The following REV3L variants were observed in gnomAD, a reference collection of about 807,000 sequenced individuals.
REV3L encodes the protein REV3 like, DNA directed polymerase zeta catalytic subunit.
REV3L carries 69 observed loss-of-function variants against 299.4 expected under a neutral mutation model. That is an observed-to-expected ratio of 0.23 (90% CI 0.19 to 0.28). REV3L has a LOEUF of 0.28. Among genes scored for constraint, REV3L ranks in the 10% least tolerant of loss-of-function variants. The pLI is 1.00. For synonymous variants in REV3L, 1,238 were observed against 1,271.4 expected, an observed-to-expected ratio of 0.97 and a Z score of 0.56; for missense variants, 3,128 against 3,693.8, an observed-to-expected ratio of 0.85 and a Z score of 3.97.
chr6:111,314,581 G>A (rs1404392357), intron 27 of REV3L, among the ~76,000 whole-genome samples: 1 of 152,144 alleles, frequency 6.6e-6, no homozygotes, highest in Non-Finnish European at 1.5e-5. Context: ...CTTAGCTGCT[G>A]GTTGGGTTAC....
intron 15 of REV3L, 52 bp downstream of exon 15, chr6:111,365,213 A>C: frequency 8.7e-7 from 1 of 1,147,592 alleles, no homozygotes; most frequent in Non-Finnish European, 1.2e-6. Context: ...ACTGAAATCT[A>C]GGAAAAAGAC....
In REV3L at chr6:111,370,529, G is replaced by A. The variant is rs532786332; in HGVS notation, c.5759+2067C>T. Among the ~76,000 whole-genome samples, 5 of 152,062 alleles carry A rather than the reference G, an allele frequency of 3.3e-5. 1 individual carries two copies. In the South Asian group the frequency reaches 1.0e-3, roughly 32 times the overall value. On this transcript the variant is annotated intron_variant, in intron 13 of 31. Coordinates refer to ENST00000368802, the MANE Select transcript of REV3L (RefSeq NM_001372078.1). ...AATAAATTTTATTGTGTATATTTAA[G>A]GTATAAAATATGATATTAGTATATA...
In REV3L at chr6:111,468,112, A is replaced by G. The variant is rs1388978011; in HGVS notation, c.139+14638T>C. Among the ~76,000 whole-genome samples the G allele has an allele frequency of 4.6e-5, 7 of 152,316 alleles. No individual in the cohort carries two copies. In the East Asian group the frequency reaches 9.6e-4, roughly 21 times the overall value. On this transcript the variant is annotated intron_variant, in intron 1 of 31. Coordinates refer to ENST00000368802, the MANE Select transcript of REV3L (RefSeq NM_001372078.1). ...GTCATAATAAAACCAAACCTAGAAG[A>G]GGAAAAAATAAATCAAAGACAGGAT... is the stretch of plus-strand genomic sequence containing the variant.
intron 24 of REV3L, chr6:111,330,313 C>A: frequency 2.2e-6 from 1 of 454,220 alleles, no homozygotes; most frequent in South Asian, 1.6e-5. Flanking sequence ...TATTAGCAAT[C>A]TGGAAGAGGG....
intron 1 of REV3L, among the ~76,000 whole-genome samples, chr6:111,458,361 G>A (rs1790384814): frequency 6.6e-6 from 1 of 152,080 alleles, no homozygotes; most frequent in Non-Finnish European, 1.5e-5. Flanking sequence ...CATTCTCCTT[G>A]AGAAATGGAA....
intron 2 of REV3L, among the ~76,000 whole-genome samples, chr6:111,414,923 G>A (rs1784597885): frequency 6.6e-6 from 1 of 151,938 alleles, no homozygotes; most frequent in Non-Finnish European, 1.5e-5. Context: ...TAATTCCTTG[G>A]TCTTTTCTAC....
At chr6:111,412,289 G>T (rs552551304) in intron 2 of REV3L, 6 of 985,010 alleles carry the variant, frequency 6.1e-6, no homozygotes, top group Non-Finnish European at 7.2e-6. Flanking sequence ...TTTTCTCGGG[G>T]TATCAGCTGG....
chr6:111,412,631 C>T (rs1784365250), intron 2 of REV3L, among the ~76,000 whole-genome samples: 1 of 152,050 alleles, frequency 6.6e-6, no homozygotes, highest in African/African-American at 2.4e-5. Context: ...TCTCATAGGA[C>T]ATCACCTCTC....
chr6:111,464,076 T>C (rs1344158323), intron 1 of REV3L, among the ~76,000 whole-genome samples: 10 of 151,896 alleles, frequency 6.6e-5, no homozygotes, highest in South Asian at 4.1e-4. Context: ...GAGGCTTGCA[T>C]GCAATGTTCT....
chr6:111,480,702 T>C (rs1243944010), intron 1 of REV3L, among the ~76,000 whole-genome samples: 1 of 152,032 alleles, frequency 6.6e-6, no homozygotes, highest in Non-Finnish European at 1.5e-5. Context: ...TTTGACTTTC[T>C]CTGTATCAAG....
At chr6:111,452,411 A>C (rs954777755) in intron 1 of REV3L, among the ~76,000 whole-genome samples, 1 of 152,218 alleles carries the variant, frequency 6.6e-6, no homozygotes, top group Non-Finnish European at 1.5e-5. Context: ...TGCTTTATTC[A>C]TAACAGCCCA....
At chr6:111,365,597 C>A (rs1411152073) in intron 14 of REV3L, among the ~76,000 whole-genome samples, 1 of 152,088 alleles carries the variant, frequency 6.6e-6, no homozygotes, top group African/African-American at 2.4e-5. Flanking sequence ...ACCTAGAGAA[C>A]TGTTTAATTC....
At chr6:111,449,242 T>G (rs1285218479) in intron 1 of REV3L, among the ~76,000 whole-genome samples, 2 of 152,116 alleles carry the variant, frequency 1.3e-5, no homozygotes, top group Non-Finnish European at 2.9e-5. Context: ...AAACAAACAT[T>G]GTAAGTCCTT....
intron 31 of REV3L, among the ~76,000 whole-genome samples, chr6:111,303,165 C>CTTTCTTTCTTTT (rs4038141): frequency 7.7e-4 from 71 of 92,336 alleles, no homozygotes; most frequent in African/African-American, 2.7e-3. Flanking sequence ...TCTTTTCTTT[C>CTTTCTTTCTTTT]TTTTTTTTTT....
intron 9 of REV3L, among the ~76,000 whole-genome samples, chr6:111,382,187 C>T (rs1039137760): frequency 5.3e-5 from 8 of 152,054 alleles, no homozygotes; most frequent in African/African-American, 1.2e-4. Flanking sequence ...CAACAATTGC[C>T]GTCCCCTGAA....
intron 31 of REV3L, among the ~76,000 whole-genome samples, chr6:111,304,750 C>T (rs868358608): frequency 7.9e-5 from 12 of 151,506 alleles, no homozygotes; most frequent in African/African-American, 2.9e-4. Flanking sequence ...GGTTTTTCAA[C>T]TTTTCCTCTC....
intron 1 of REV3L, among the ~76,000 whole-genome samples, chr6:111,482,292 AG>A (rs1793813982): frequency 6.6e-6 from 1 of 152,184 alleles, no homozygotes; most frequent in Non-Finnish European, 1.5e-5. Flanking sequence ...ACTGACAACA[AG>A]GCTGACACTT....
At chr6:111,421,400 G>C (rs187125724) in intron 1 of REV3L, among the ~76,000 whole-genome samples, 2 of 152,082 alleles carry the variant, frequency 1.3e-5, no homozygotes, top group Non-Finnish European at 2.9e-5. Flanking sequence ...AGGCTTTATG[G>C]GACATGCTGT....
intron 1 of REV3L, among the ~76,000 whole-genome samples, chr6:111,481,585 C>T (rs1426449000): frequency 6.6e-6 from 1 of 152,110 alleles, no homozygotes; most frequent in Non-Finnish European, 1.5e-5. Context: ...TCTTGGTAGT[C>T]CACAGAAACT....
Sources: gnomAD v4.1 joint callset for allele counts (sites outside exome capture counted in the v4.1 genomes callset) on GRCh38, gnomAD v4.1.1 for gene constraint, MANE v1.5 for transcripts, NCBI Gene and HGNC (gene_info 2026-07-23, HGNC 2026-07-21) for gene names.